Variants in API5 observed in about 807,000 individuals in gnomAD.
API5 encodes apoptosis inhibitor 5.
In API5, 6 loss-of-function variants were observed where a neutral mutation model predicts 71.9. That is an observed-to-expected ratio of 0.08 (90% CI 0.05 to 0.16). API5 has a LOEUF of 0.16. Among genes scored for constraint, API5 ranks in the 10% least tolerant of loss-of-function variants. The pLI, the probability that API5 is intolerant of heterozygous loss-of-function variation, is 1.00. For synonymous variants in API5, 189 were observed against 221.3 expected (o/e 0.85, Z 1.30); for missense variants, 332 against 612.8 (o/e 0.54, Z 4.84).
At chr11:43,324,419 G>C (rs1854999409) in intron 6 of API5, among the ~76,000 whole-genome samples, 1 of 151,964 alleles carries the variant, frequency 6.6e-6, no homozygotes, top group Non-Finnish European at 1.5e-5. Flanking sequence ...GCATCTTCTG[G>C]GATGTGCATA....
chr11:43,329,928 T>G, intron 9 of API5, 37 bp from the exon 10 acceptor site: 10 of 1,573,552 alleles, frequency 6.4e-6, no homozygotes, highest in Non-Finnish European at 8.7e-6. Context: ...AAAATTGAAG[T>G]GATGAATTGC....
intron 11 of API5, 101 bp downstream of exon 11, chr11:43,330,665 T>TACTTCCA (rs1855220992): frequency 1.1e-6 from 1 of 901,486 alleles, no homozygotes; most frequent in Non-Finnish European, 1.7e-6. Context: ...AAGGGAGGCA[T>TACTTCCA]GCAAACTTCT....
At chr11:43,316,918 G>A (rs1854692758) in intron 1 of API5, among the ~76,000 whole-genome samples, 1 of 152,194 alleles carries the variant, frequency 6.6e-6, no homozygotes, top group Admixed American at 6.5e-5. Context: ...TCATGAAGAA[G>A]TTAACCTTAT....
chr11:43,312,334 G>C (rs913623202), intron 1 of API5, 138 bp downstream of exon 1: 2 of 894,086 alleles, frequency 2.2e-6, no homozygotes, highest in African/African-American at 3.3e-5. Flanking sequence ...AGGCCGTCTC[G>C]TCGGGGTGGG....
At position 43,342,828 on chromosome 11, in the gene API5, T is replaced by C; in HGVS notation, c.*318T>C. ...GAGAGCTGTTCATTCTAAAATGTAATGAAATTCAGTCTAGTTCTGCTGATA... is the reference window on the plus strand; with the variant it reads ...GAGAGCTGTTCATTCTAAAATGTAACGAAATTCAGTCTAGTTCTGCTGATA... On this transcript the variant is annotated 3_prime_UTR_variant, in exon 14 of 14. Transcript: ENST00000531273. The C allele has an allele frequency of 5.2e-6, 3 of 578,994 alleles. No individual in the cohort carries two copies. Among genetic ancestry groups the C allele is most frequent in the Non-Finnish European group, 9.2e-6 (3 of 327,632 alleles). The allele number at this position is 578,994 out of a possible 1,614,324, so 35.9% of individuals were successfully genotyped here.
intron 13 of API5, among the ~76,000 whole-genome samples, chr11:43,341,180 T>C (rs1452062108): frequency 4.6e-5 from 7 of 152,160 alleles, no homozygotes; most frequent in South Asian, 4.1e-4. Flanking sequence ...TTCTAAACAC[T>C]AAGCATCAGG....
At chr11:43,329,938 C>T in intron 9 of API5, 27 bp from the exon 10 acceptor site, 1 of 1,596,272 alleles carries the variant, frequency 6.3e-7, no homozygotes, top group Non-Finnish European at 8.6e-7. Flanking sequence ...TGATGAATTG[C>T]TAATTAACAA....
intron 2 of API5, among the ~76,000 whole-genome samples, chr11:43,320,581 A>G (rs891593636): frequency 4.6e-5 from 7 of 151,988 alleles, no homozygotes; most frequent in African/African-American, 1.7e-4. Context: ...CGCCTTTAAA[A>G]TTAGCCAGGC....
In API5 at chr11:43,326,719, G is replaced by T. The variant is rs1043152454; in HGVS notation, c.855+108G>T. On this transcript the variant is annotated intron_variant, in intron 7 of 13. Transcript: ENST00000531273. ...TCTAAGGGAGCAGTTTAAATGTCTGGTAATGGCCAGCCAGTAATCTCCCTA... is the reference window on the plus strand; with the variant it reads ...TCTAAGGGAGCAGTTTAAATGTCTGTTAATGGCCAGCCAGTAATCTCCCTA... 4.6e-6 allele frequency: 3 copies of T among 646,284 alleles called. No homozygotes were observed. In the East Asian group the frequency reaches 7.8e-5, roughly 17 times the overall value. The allele number at this position is 646,284 out of a possible 1,614,324, so 40.0% of individuals were successfully genotyped here. A position where few individuals can be genotyped will look rare whatever the true frequency, so the allele number is the denominator to read the frequency against.
chr11:43,312,124 C>T lies in API5; in HGVS notation c.-4C>T, dbSNP rs2134329650. 1.2e-6 allele frequency: 2 copies of T among 1,613,656 alleles called. No individual in the cohort carries two copies. Among genetic ancestry groups the T allele is most frequent in the Non-Finnish European group, 1.7e-6 (2 of 1,179,914 alleles). Reference sequence around the variant, plus strand: ...GGAACCGGGCCCTGGGCTTGTCGCTCACCATGCCGACAGTAGAGGAGCTTT... The same window carrying T: ...GGAACCGGGCCCTGGGCTTGTCGCTTACCATGCCGACAGTAGAGGAGCTTT... On this transcript the variant is annotated 5_prime_UTR_variant, in exon 1 of 14. Transcript: ENST00000531273.
chr11:43,317,194 C>G (rs975616687), intron 1 of API5, among the ~76,000 whole-genome samples: 1 of 152,072 alleles, frequency 6.6e-6, no homozygotes, highest in African/African-American at 2.4e-5. Context: ...AGTTGTTTTT[C>G]CAGTTACTAA....
chr11:43,341,605 T>A (rs960338646), intron 13 of API5, among the ~76,000 whole-genome samples: 1 of 152,034 alleles, frequency 6.6e-6, no homozygotes, highest in Admixed American at 6.5e-5. Flanking sequence ...AAGGAAGGGA[T>A]AGGGAGAGAT....
chr11:43,329,190 T>C (rs567191427), intron 9 of API5: 2 of 255,564 alleles, frequency 7.8e-6, no homozygotes, highest in South Asian at 1.4e-4. Flanking sequence ...AAAATAACTT[T>C]AAAAAAATTA....
intron 11 of API5, among the ~76,000 whole-genome samples, chr11:43,334,813 TTTTG>T (rs764159144): frequency 3.2e-4 from 48 of 152,308 alleles, no homozygotes; most frequent in Middle Eastern, 3.4e-3. Context: ...TAGTGGTTTT[TTTTG>T]TTTGTTTGTT....
intron 11 of API5, among the ~76,000 whole-genome samples, chr11:43,332,558 TAGGG>T (rs1855291936): frequency 6.6e-6 from 1 of 152,130 alleles, no homozygotes; most frequent in Non-Finnish European, 1.5e-5. Flanking sequence ...AAGAGATACA[TAGGG>T]AGGGGTCTTG....
rs1480722384 is a variant in API5, at chr11:43,335,258, C to T, written c.1279-20C>T. 1 of 1,566,032 alleles carries T rather than the reference C, an allele frequency of 6.4e-7. No homozygotes were observed. Among genetic ancestry groups the T allele is most frequent in the Non-Finnish European group, 8.8e-7 (1 of 1,137,206 alleles). ...ACCAACAAATACATTAGAATTCTTGCCTGATTTCTGTCTCTGCAGGATCTC... is the reference window on the plus strand; with the variant it reads ...ACCAACAAATACATTAGAATTCTTGTCTGATTTCTGTCTCTGCAGGATCTC... On this transcript the variant is annotated intron_variant, in intron 11 of 13. Transcript: ENST00000531273.
chr11:43,324,762 C>T (rs983312918), intron 6 of API5, among the ~76,000 whole-genome samples: 1 of 152,110 alleles, frequency 6.6e-6, no homozygotes, highest in African/African-American at 2.4e-5. Flanking sequence ...ACTGCAACCT[C>T]CACCTCCCAG....
At chr11:43,339,288 A>G (rs1173356015) in intron 13 of API5, 1 of 152,218 alleles carries the variant, frequency 6.6e-6, no homozygotes, top group Non-Finnish European at 1.5e-5. Context: ...GTAAGACATA[A>G]TGGCAAAAAA....
chr11:43,321,535 T>G, intron 4 of API5, 59 bp downstream of exon 4: 1 of 1,324,162 alleles, frequency 7.6e-7, no homozygotes, highest in Admixed American at 2.0e-5. Context: ...CAAAGTTAGG[T>G]GTTACTCATT....
Sources: gnomAD v4.1 joint callset for allele counts (sites outside exome capture counted in the v4.1 genomes callset) on GRCh38, gnomAD v4.1.1 for gene constraint, MANE v1.5 for transcripts, NCBI Gene and HGNC (gene_info 2026-07-23, HGNC 2026-07-21) for gene names.